The following RUNDC3B variants were observed in gnomAD, a reference collection of about 807,000 sequenced individuals.
The protein encoded by RUNDC3B is RUN domain-containing protein 3B.
In RUNDC3B, 33 loss-of-function variants were observed where a neutral mutation model predicts 58.4. The observed-to-expected ratio is 0.56, with a 90% CI of 0.43 to 0.75. The LOEUF is 0.75. Among genes scored for constraint, RUNDC3B ranks in the 30% least tolerant of loss-of-function variants. The probability of loss-of-function intolerance (pLI) is 0.00; values close to 1 mark genes in which losing one functional copy is unlikely to be tolerated. For missense variants in RUNDC3B, 501 were observed against 535.7 expected (o/e 0.94, Z 0.64); for synonymous variants, 193 against 195.2 (o/e 0.99, Z 0.10).
At chr7:87,752,411 C>T (rs1014432582) in intron 6 of RUNDC3B, among the ~76,000 whole-genome samples, 44 of 152,130 alleles carry the variant, frequency 2.9e-4, no homozygotes, top group Admixed American at 4.6e-4. Flanking sequence ...GGGAGGATTC[C>T]CTCTTTTTCT....
chr7:87,648,208 AAG>A (rs1179975529), intron 1 of RUNDC3B, among the ~76,000 whole-genome samples: 1 of 151,844 alleles, frequency 6.6e-6, no homozygotes, highest in Non-Finnish European at 1.5e-5. Flanking sequence ...AAAAGAAAGA[AAG>A]AAATGGAAAA....
Position 87,679,564 on chromosome 7 carries a change from A to T in RUNDC3B, c.239-20857A>T, listed in dbSNP as rs925078411. The stretch of plus-strand genomic sequence containing the variant: ...ACCACTACACCCAGCTAATTTTTTG[A>T]TTTTTTATAGAGGCTAGGTCTCACT... On this transcript the variant is annotated intron_variant, in intron 2 of 10. Transcript: ENST00000394654. 4.1e-4 allele frequency among the ~76,000 whole-genome samples: 62 copies of T among 149,822 alleles called. 4 individuals are homozygous for T. Among genetic ancestry groups the T allele is most frequent in the Non-Finnish European group, 1.6e-4 (11 of 67,670 alleles).
intron 1 of RUNDC3B, among the ~76,000 whole-genome samples, chr7:87,650,442 A>G (rs1823462184): frequency 6.6e-6 from 1 of 152,152 alleles, no homozygotes; most frequent in African/African-American, 2.4e-5. Context: ...TTTACATGGC[A>G]GAAGAGGCAA....
At chr7:87,752,916 A>G (rs1408474163) in intron 6 of RUNDC3B, among the ~76,000 whole-genome samples, 1 of 151,332 alleles carries the variant, frequency 6.6e-6, no homozygotes, top group Non-Finnish European at 1.5e-5. Flanking sequence ...GCCTTCTGCT[A>G]GCTTTTGAAT....
chr7:87,664,506 G>A (rs1410341676), intron 2 of RUNDC3B, among the ~76,000 whole-genome samples: 1 of 152,114 alleles, frequency 6.6e-6, no homozygotes, highest in Non-Finnish European at 1.5e-5. Flanking sequence ...CCTGCTCCAT[G>A]ATGTAAGGTG....
chr7:87,710,651 AC>A lies in RUNDC3B; in HGVS notation c.456del (p.Arg153GlyfsTer23). On this transcript the variant is annotated frameshift_variant, in exon 4 of 11. Coordinates refer to ENST00000394654, the MANE Select transcript of RUNDC3B (RefSeq NM_001134405.2). LOFTEE classifies it high-confidence loss of function. ...TACAGCTCTGAGAGACTTCAAAACA[AC>A]CAGGTTTAAAAGTCCTTTTAATTTT... The part of the protein sequence containing the change: ...ISTALRDFKT[T>X]RRFYEDGAIV... 1 of 1,559,104 alleles carries A rather than the reference AC, an allele frequency of 6.4e-7. No individual in the cohort carries two copies. The highest frequency in any genetic ancestry group is 8.7e-7 in the Non-Finnish European group (1 of 1,143,962).
At chr7:87,739,003 C>A (rs1462784575) in intron 4 of RUNDC3B, among the ~76,000 whole-genome samples, 1 of 151,594 alleles carries the variant, frequency 6.6e-6, no homozygotes, top group Non-Finnish European at 1.5e-5. Context: ...TGTGATCATC[C>A]CTGGTTACTG....
At chr7:87,820,554 C>T (rs1203281880) in intron 10 of RUNDC3B, among the ~76,000 whole-genome samples, 1 of 152,172 alleles carries the variant, frequency 6.6e-6, no homozygotes, top group Non-Finnish European at 1.5e-5. Context: ...CAGCATCATC[C>T]TGATACCAAA....
At position 87,679,924 on chromosome 7, in the gene RUNDC3B, A is replaced by G. The variant is rs567451687; in HGVS notation, c.239-20497A>G. On this transcript the variant is annotated intron_variant, in intron 2 of 10. Transcript: ENST00000394654. Reference sequence around the variant, plus strand: ...CAAATGTTTGAAAATGTAAAAATACACTTTTTTAAACAAATTATACTTTAC... The same window carrying G: ...CAAATGTTTGAAAATGTAAAAATACGCTTTTTTAAACAAATTATACTTTAC... Among the ~76,000 whole-genome samples, 4 of 150,634 alleles carry G rather than the reference A, an allele frequency of 2.7e-5. No individual in the cohort carries two copies. In the South Asian group the frequency reaches 8.4e-4, roughly 31 times the overall value.
chr7:87,807,286 T>C (rs796416310), intron 8 of RUNDC3B, 87 bp from the exon 9 acceptor site: 2 of 1,271,828 alleles, frequency 1.6e-6, no homozygotes, highest in African/African-American at 3.0e-5. Context: ...ATAAGATAAA[T>C]TTTGGGGGCC....
At chr7:87,694,092 G>T in intron 2 of RUNDC3B, 4 of 1,465,730 alleles carry the variant, frequency 2.7e-6, no homozygotes, top group African/African-American at 1.6e-5. Flanking sequence ...TCTTTTTTGT[G>T]TGTTTTTGTT....
chr7:87,645,474 G>A (rs1328056770), intron 1 of RUNDC3B, among the ~76,000 whole-genome samples: 1 of 152,024 alleles, frequency 6.6e-6, no homozygotes, highest in Non-Finnish European at 1.5e-5. Flanking sequence ...TTCAAAAACT[G>A]CATTTCAAAA....
intron 2 of RUNDC3B, among the ~76,000 whole-genome samples, chr7:87,672,966 C>T (rs1825979849): frequency 6.6e-6 from 1 of 152,166 alleles, no homozygotes; most frequent in Admixed American, 6.5e-5. Flanking sequence ...GAGAGCCATG[C>T]ACACTGGCTG....
At chr7:87,638,566 T>G (rs1822078149) in intron 1 of RUNDC3B, among the ~76,000 whole-genome samples, 1 of 152,124 alleles carries the variant, frequency 6.6e-6, no homozygotes. Flanking sequence ...GGTATGAGTT[T>G]CAGTAGGTTT....
intron 4 of RUNDC3B, among the ~76,000 whole-genome samples, chr7:87,731,687 G>A (rs974419847): frequency 9.2e-5 from 14 of 152,194 alleles, no homozygotes; most frequent in Non-Finnish European, 1.9e-4. Flanking sequence ...AGAATATAAT[G>A]ATAAAGGGGT....
rs1266420952 is a variant in RUNDC3B, at chr7:87,706,015, A to G, written c.373-4555A>G. On this transcript the variant is annotated intron_variant, in intron 3 of 10. Transcript: ENST00000394654. ...ATATTTTGTGAGGGATTGTCCCCCC[A>G]TTTTCTTTGTTTTTAATAGCAGTTC... Among the ~76,000 whole-genome samples the G allele has an allele frequency of 3.9e-5, 6 of 151,926 alleles. No individual in the cohort carries two copies. In the East Asian group the frequency reaches 7.7e-4, roughly 20 times the overall value.
chr7:87,660,151 G>A (rs1824539268), intron 2 of RUNDC3B, among the ~76,000 whole-genome samples: 1 of 151,964 alleles, frequency 6.6e-6, no homozygotes, highest in Non-Finnish European at 1.5e-5. Context: ...CATTCTTTGG[G>A]AGAATTTTGC....
chr7:87,698,496 A>G (rs1439726101), intron 2 of RUNDC3B, among the ~76,000 whole-genome samples: 1 of 152,368 alleles, frequency 6.6e-6, no homozygotes, highest in Admixed American at 6.5e-5. Context: ...TATTTGTGCA[A>G]AATATTTGAT....
rs181297993 is a variant in RUNDC3B, at chr7:87,795,231, T to A, written c.957-12142T>A. Among the ~76,000 whole-genome samples the A allele has an allele frequency of 2.5e-4, 38 of 152,284 alleles. No individual in the cohort carries two copies. In the East Asian group the frequency reaches 6.4e-3, roughly 25 times the overall value. On this transcript the variant is annotated intron_variant, in intron 8 of 10. Transcript: ENST00000394654. ...AGAAAATATTTGCAAACTATCCATC[T>A]GACAAAGGATTAATAATCAGAATAT...
Sources: allele counts gnomAD v4.1 joint callset (sites outside exome capture counted in the v4.1 genomes callset), GRCh38; gene constraint gnomAD v4.1.1; transcripts MANE v1.5; gene names NCBI Gene and HGNC (gene_info 2026-07-23, HGNC 2026-07-21).